OTUD7A: variants seen among roughly 807,000 people sequenced by gnomAD.
OTUD7A encodes OTU deubiquitinase 7A.
A neutral mutation model predicts 65.7 loss-of-function variants in OTUD7A; 12 were observed. The observed-to-expected ratio is 0.18, with a 90% CI of 0.12 to 0.30. The LOEUF is 0.30. OTUD7A is among the 10% of genes least tolerant of loss of function. The pLI, the probability that OTUD7A is intolerant of heterozygous loss-of-function variation, is 1.00. For synonymous variants in OTUD7A, 641 were observed against 586.3 expected (o/e 1.09, Z -1.35); for missense variants, 1,148 against 1,304.8 (o/e 0.88, Z 1.85).
intron 5 of OTUD7A, among the ~76,000 whole-genome samples, chr15:31,538,327 T>C (rs931301169): frequency 9.2e-5 from 14 of 152,300 alleles, no homozygotes; most frequent in African/African-American, 3.4e-4. Context: ...AGCCCTGCCA[T>C]GAACATCCCT....
At chr15:31,737,268 C>G (rs565903216) in intron 1 of OTUD7A, among the ~76,000 whole-genome samples, 1 of 152,086 alleles carries the variant, frequency 6.6e-6, no homozygotes, top group Non-Finnish European at 1.5e-5. Flanking sequence ...AAGGGACTAA[C>G]AGCCCTCTAA....
Position 31,834,821 on chromosome 15 carries a change from C to A in OTUD7A, c.-100+35686G>T, listed in dbSNP as rs567043124. Among the ~76,000 whole-genome samples, 237 of 152,306 alleles carry A rather than the reference C, an allele frequency of 1.6e-3. 1 individual carries two copies. The highest frequency in any genetic ancestry group is 2.7e-3 in the Non-Finnish European group (183 of 68,030). ...TGAACACTACTAATTCAGGCAGCAT[C>A]CTAAAAGGGTAATTGCAAATAGGAC... On this transcript the variant is annotated intron_variant, in intron 1 of 12. Coordinates refer to ENST00000307050, the MANE Select transcript of OTUD7A (RefSeq NM_001382637.1).
intron 3 of OTUD7A, among the ~76,000 whole-genome samples, chr15:31,615,349 G>A (rs1473502416): frequency 2.0e-5 from 3 of 152,110 alleles, no homozygotes; most frequent in South Asian, 4.1e-4. Context: ...ACAAGTTGAC[G>A]TTAATGAAAA....
chr15:31,766,111 T>A, intron 1 of OTUD7A: 1 of 1,438,602 alleles, frequency 7.0e-7, no homozygotes, highest in Non-Finnish European at 9.8e-7. Flanking sequence ...TCCACTGCAG[T>A]CTGCAAGTAA....
chr15:31,683,892 T>C (rs2141309469), intron 1 of OTUD7A, among the ~76,000 whole-genome samples: 2 of 152,308 alleles, frequency 1.3e-5, no homozygotes, highest in Middle Eastern at 6.8e-3. Flanking sequence ...TAGGATCAGC[T>C]GTTTGAGTCA....
chr15:31,704,398 CT>C (rs5811655), intron 1 of OTUD7A, among the ~76,000 whole-genome samples: 2 of 79,300 alleles, frequency 2.5e-5, no homozygotes, highest in Admixed American at 1.7e-4. Flanking sequence ...TTTTGAGGCA[CT>C]TTTTTTTTTT....
At chr15:31,519,356 C>T (rs1294854313) in intron 8 of OTUD7A, among the ~76,000 whole-genome samples, 1 of 152,106 alleles carries the variant, frequency 6.6e-6, no homozygotes. Context: ...GGGATAAATC[C>T]CACCTGATTA....
At position 31,527,264 on chromosome 15, in the gene OTUD7A, G is replaced by C. The variant is rs1162953058; in HGVS notation, c.697C>G (p.Leu233Val). 1 of 1,614,068 alleles carries C rather than the reference G, an allele frequency of 6.2e-7. No individual in the cohort carries two copies. The highest frequency in any genetic ancestry group is 8.5e-7 in the Non-Finnish European group (1 of 1,180,030). Residue 233 changes from leucine to valine, a missense_variant, in exon 7 of 13, where the codon CTC (leucine) becomes GTC (valine). Physicochemically the swap from Leu to Val is conservative, Grantham distance 32 (BLOSUM62 1). This residue lies in a region of OTUD7A where 134 missense variants were observed against 252.6 expected (regional missense o/e 0.53). Coordinates refer to ENST00000307050, the MANE Select transcript of OTUD7A (RefSeq NM_001382637.1). ...GCTCCCGTCCTCATCATGGTATAGAGAGCTTTCCGTAACACCAGGTCCCGG... is the reference window on the plus strand; with the variant it reads ...GCTCCCGTCCTCATCATGGTATAGACAGCTTTCCGTAACACCAGGTCCCGG... ...HDRDLVLRKA[L>V]YTMMRTGAER...
intron 1 of OTUD7A, among the ~76,000 whole-genome samples, chr15:31,856,968 T>C (rs748987081): frequency 6.6e-6 from 1 of 152,216 alleles, no homozygotes; most frequent in East Asian, 1.9e-4. Context: ...CTTTCTCTAA[T>C]AGTTGACGGC....
At position 31,657,011 on chromosome 15, in the gene OTUD7A, T is replaced by G. The variant is rs909358399; in HGVS notation, c.-33A>C. 14 of 152,654 alleles carry G rather than the reference T, an allele frequency of 9.2e-5. No individual in the cohort carries two copies. The highest frequency in any genetic ancestry group is 3.4e-4 in the African/African-American group (14 of 41,450). The allele number at this position is 152,654 out of a possible 1,614,324, so 9.5% of individuals were successfully genotyped here. A position where few individuals can be genotyped will look rare whatever the true frequency, so the allele number is the denominator to read the frequency against. On this transcript the variant is annotated 5_prime_UTR_variant, in exon 2 of 13. Transcript: ENST00000307050. ...ATGTATATGGTACCAATTAGGAAAT[T>G]GATTTCTTCCTTCTCTCCATGCACT...
chr15:31,633,976 C>A (rs1445175325), intron 3 of OTUD7A, among the ~76,000 whole-genome samples: 1 of 152,230 alleles, frequency 6.6e-6, no homozygotes, highest in Non-Finnish European at 1.5e-5. Flanking sequence ...GACCGACACA[C>A]CTGAACCTAA....
intron 1 of OTUD7A, among the ~76,000 whole-genome samples, chr15:31,684,857 T>A (rs937030946): frequency 6.7e-6 from 1 of 148,742 alleles, no homozygotes; most frequent in African/African-American, 2.5e-5. Flanking sequence ...AAAGATGCGA[T>A]GTCAGGAGGC....
intron 1 of OTUD7A, among the ~76,000 whole-genome samples, chr15:31,777,380 T>C (rs1895412424): frequency 6.6e-6 from 1 of 152,200 alleles, no homozygotes; most frequent in Non-Finnish European, 1.5e-5. Context: ...TACTTCCTGG[T>C]TCAAGGTTAT....
intron 1 of OTUD7A, among the ~76,000 whole-genome samples, chr15:31,662,744 A>G (rs571467634): frequency 6.6e-6 from 1 of 152,328 alleles, no homozygotes; most frequent in South Asian, 2.1e-4. Flanking sequence ...TGTTTGTTTT[A>G]AAAACAAATT....
intron 5 of OTUD7A, among the ~76,000 whole-genome samples, chr15:31,553,260 C>G (rs569010549): frequency 1.3e-5 from 2 of 152,270 alleles, no homozygotes; most frequent in South Asian, 4.2e-4. Flanking sequence ...TCTGCTGGCT[C>G]CTTCTTCTGT....
Position 31,655,111 on chromosome 15 carries a change from T to G in OTUD7A, c.136A>C (p.Arg46=). 1 of 1,604,964 alleles carries G rather than the reference T, an allele frequency of 6.2e-7. No homozygotes were observed. Among genetic ancestry groups the G allele is most frequent in the Non-Finnish European group, 8.5e-7 (1 of 1,176,926 alleles). ...GTGGGCTTACCTTCCAGCAGGTCTC[T>G]GGCCAGACCAGGTTCTGCCCCCGTG... ...RSTGAEPGLA[R]DLLEGKNWDL... The change falls in exon 3 of 13, where the codon AGA becomes CGA. Residue 46 remains arginine (R), a synonymous_variant. Transcript: ENST00000307050.
chr15:31,748,784 A>T (rs1234009718), intron 1 of OTUD7A, among the ~76,000 whole-genome samples: 5 of 152,202 alleles, frequency 3.3e-5, no homozygotes, highest in Non-Finnish European at 5.9e-5. Context: ...TATTCATAGC[A>T]ATGTTATAAT....
chr15:31,679,449 T>A (rs1374718076), intron 1 of OTUD7A, among the ~76,000 whole-genome samples: 2 of 152,180 alleles, frequency 1.3e-5, no homozygotes, highest in African/African-American at 4.8e-5. Flanking sequence ...TGAATTGTAA[T>A]CCCCATGTGT....
intron 1 of OTUD7A, among the ~76,000 whole-genome samples, chr15:31,813,191 C>T (rs1173430675): frequency 1.3e-5 from 2 of 152,330 alleles, no homozygotes; most frequent in Middle Eastern, 3.4e-3. Flanking sequence ...AGGCCAAGCA[C>T]GTGCAGGTAT....
Sources: allele counts gnomAD v4.1 joint callset (sites outside exome capture counted in the v4.1 genomes callset), GRCh38; gene constraint gnomAD v4.1.1; regional missense constraint gnomAD v4.1.1; transcripts MANE v1.5; gene names NCBI Gene and HGNC (gene_info 2026-07-23, HGNC 2026-07-21).